The following ATP13A4 variants were observed in gnomAD, a reference collection of about 807,000 sequenced individuals.
ATP13A4 encodes the protein probable cation-transporting ATPase 13A4.
In ATP13A4, 114 loss-of-function variants were observed where a neutral mutation model predicts 142.5. That is an observed-to-expected ratio of 0.80 (90% CI 0.69 to 0.93). The LOEUF (loss-of-function observed/expected upper bound fraction) is 0.93, where lower values mean the gene tolerates loss of function less well. ATP13A4 is among the 40% of genes least tolerant of loss of function. The probability of loss-of-function intolerance (pLI) is 0.00; values close to 1 mark genes in which losing one functional copy is unlikely to be tolerated. For synonymous variants in ATP13A4, 488 were observed against 514.8 expected, an observed-to-expected ratio of 0.95 and a Z score of 0.70; for missense variants, 1,392 against 1,454.0, an observed-to-expected ratio of 0.96 and a Z score of 0.69.
chr3:193,407,433 G>C (rs551498440), intron 28 of ATP13A4, 40 bp from the exon 29 acceptor site: 1 of 1,489,058 alleles, frequency 6.7e-7, no homozygotes, highest in South Asian at 1.1e-5. Flanking sequence ...CTGAAGACAC[G>C]CAGATGCTGG....
intron 2 of ATP13A4, among the ~76,000 whole-genome samples, chr3:193,573,122 C>G (rs997826202): frequency 6.6e-6 from 1 of 150,466 alleles, no homozygotes; most frequent in Non-Finnish European, 1.5e-5. Flanking sequence ...GAGCCGAGAT[C>G]ACCGACATGG....
Position 193,414,755 on chromosome 3 carries a change from A to T in ATP13A4, c.2843-5T>A, listed in dbSNP as rs753167896. 1.9e-6 allele frequency: 3 copies of T among 1,613,924 alleles called. No homozygotes were observed. Among genetic ancestry groups the T allele is most frequent in the Non-Finnish European group, 2.5e-6 (3 of 1,179,900 alleles). On this transcript the variant is annotated splice_polypyrimidine_tract_variant and splice_region_variant and intron_variant, in intron 25 of 29. Transcript: ENST00000342695. ...GGTAGGCACCATTCAGATTCACTAT[A>T]AAATAAATTCGAATTTTATATTTAT...
chr3:193,554,843 CG>C lies in ATP13A4; in HGVS notation c.-45del. 1 of 1,613,768 alleles carries C rather than the reference CG, an allele frequency of 6.2e-7. No homozygotes were observed. Among genetic ancestry groups the C allele is most frequent in the South Asian group, 1.1e-5 (1 of 91,060 alleles). ...CTCCTCCCTGACCTTGTCGTGCAGA[CG>C]CTTCCAGGATGAACTCCAACTCGCC... On this transcript the variant is annotated 5_prime_UTR_variant, in exon 1 of 30. Transcript: ENST00000342695.
chr3:193,573,291 A>ATATATT (rs1229123365), intron 2 of ATP13A4, among the ~76,000 whole-genome samples: 3 of 74,628 alleles, frequency 4.0e-5, no homozygotes, highest in African/African-American at 1.4e-4. Context: ...ATATATATAC[A>ATATATT]CATATATATA....
intron 25 of ATP13A4, among the ~76,000 whole-genome samples, chr3:193,429,275 T>G (rs1715842506): frequency 1.3e-5 from 2 of 152,000 alleles, no homozygotes; most frequent in Non-Finnish European, 2.9e-5. Flanking sequence ...AATATATGAT[T>G]AACATATGAC....
At chr3:193,420,332 T>A (rs1340390031) in intron 25 of ATP13A4, among the ~76,000 whole-genome samples, 1 of 150,092 alleles carries the variant, frequency 6.7e-6, no homozygotes, top group Non-Finnish European at 1.5e-5. Flanking sequence ...GGAATCAGAG[T>A]TACCACAATC....
chr3:193,524,345 C>T (rs201936088), intron 1 of ATP13A4, among the ~76,000 whole-genome samples: 1 of 152,136 alleles, frequency 6.6e-6, no homozygotes, highest in East Asian at 1.9e-4. Flanking sequence ...CCTGTGGAGA[C>T]TGACACTAAC....
chr3:193,445,945 T>C (rs62285720), intron 18 of ATP13A4, among the ~76,000 whole-genome samples: 9,733 of 144,360 alleles, frequency 0.067, 394 homozygotes, highest in South Asian at 0.15. Context: ...AGACCTGAGA[T>C]TGTGGTCTGA....
chr3:193,567,216 TA>T (rs953729588), intron 2 of ATP13A4, among the ~76,000 whole-genome samples: 15 of 152,208 alleles, frequency 9.9e-5, no homozygotes, highest in Admixed American at 4.6e-4. Flanking sequence ...TATTTTTATA[TA>T]AAAAATGAGC....
At chr3:193,467,593 A>C (rs977496773) in intron 9 of ATP13A4, 107 bp from the exon 10 acceptor site, 2 of 1,161,270 alleles carry the variant, frequency 1.7e-6, no homozygotes, top group African/African-American at 3.0e-5. Context: ...TGAGCCTACC[A>C]TGTGGCAGAG....
chr3:193,526,620 T>C (rs551541110), intron 1 of ATP13A4, among the ~76,000 whole-genome samples: 1 of 152,154 alleles, frequency 6.6e-6, no homozygotes. Flanking sequence ...TAAAGTAAAA[T>C]AACAAAGAAT....
At chr3:193,481,346 T>G (rs79133306) in intron 8 of ATP13A4, among the ~76,000 whole-genome samples, 3,251 of 152,324 alleles carry the variant, frequency 0.021, 66 homozygotes, top group Middle Eastern at 0.031. Flanking sequence ...TGTTTTGAAC[T>G]TTATATTCTA....
chr3:193,494,953 TAGG>T (rs1720144033), intron 3 of ATP13A4, among the ~76,000 whole-genome samples: 1 of 151,966 alleles, frequency 6.6e-6, no homozygotes, highest in African/African-American at 2.4e-5. Context: ...AAAAAGACCC[TAGG>T]AGATTATTAT....
chr3:193,486,539 G>A (rs549747175), intron 7 of ATP13A4, among the ~76,000 whole-genome samples: 2 of 152,346 alleles, frequency 1.3e-5, no homozygotes, highest in Admixed American at 6.5e-5. Context: ...TCTGGCTTGT[G>A]CAACAGAATG....
chr3:193,472,472 T>C lies in ATP13A4; in HGVS notation c.809-1479A>G, dbSNP rs150572315. Among the ~76,000 whole-genome samples, 411 of 152,332 alleles carry C rather than the reference T, an allele frequency of 2.7e-3. 3 individuals are homozygous for C. Among genetic ancestry groups the C allele is most frequent in the African/African-American group, 9.2e-3 (382 of 41,570 alleles). On this transcript the variant is annotated intron_variant, in intron 8 of 29. Transcript: ENST00000342695. ...GTTATATCAAAGAGAAGCAGCAAAG[T>C]GCTTCCTTTAAGTGAAAAGGTGAAC...
At chr3:193,440,720 T>C in intron 20 of ATP13A4, 83 bp from the exon 21 acceptor site, 1 of 1,418,896 alleles carries the variant, frequency 7.0e-7, no homozygotes, top group African/African-American at 1.4e-5. Flanking sequence ...GAATGTTGAC[T>C]GCATCATGAC....
chr3:193,559,433 C>T (rs1723968967), upstream of ATP13A4, among the ~76,000 whole-genome samples: 1 of 152,136 alleles, frequency 6.6e-6, no homozygotes, highest in Admixed American at 6.5e-5. Context: ...AGTTATAGAA[C>T]TTTATCTAAA....
chr3:193,532,305 G>T (rs1722376660), intron 1 of ATP13A4, among the ~76,000 whole-genome samples: 1 of 151,088 alleles, frequency 6.6e-6, no homozygotes, highest in South Asian at 2.1e-4. Context: ...GCACCTGTTT[G>T]GCACTTATTA....
chr3:193,475,398 C>T (rs895888856), intron 8 of ATP13A4, among the ~76,000 whole-genome samples: 2 of 151,880 alleles, frequency 1.3e-5, no homozygotes, highest in South Asian at 2.1e-4. Context: ...GCAGGAAATA[C>T]AGTTAAATAC....
Sources: allele counts gnomAD v4.1 joint callset (sites outside exome capture counted in the v4.1 genomes callset), GRCh38; gene constraint gnomAD v4.1.1; transcripts MANE v1.5; gene names NCBI Gene and HGNC (gene_info 2026-07-23, HGNC 2026-07-21).